AMOTL2: variants seen among roughly 807,000 people sequenced by gnomAD.
AMOTL2 encodes the protein angiomotin-like protein 2.
In AMOTL2, 33 loss-of-function variants were observed where a neutral mutation model predicts 78.4. The observed-to-expected ratio is 0.42, with a 90% CI of 0.32 to 0.56. The LOEUF is 0.56. Among genes scored for constraint, AMOTL2 ranks in the 20% least tolerant of loss-of-function variants. AMOTL2 has a pLI of 0.12. For missense variants in AMOTL2, 983 were observed against 1,030.1 expected (o/e 0.95, Z 0.63); for synonymous variants, 422 against 428.8 (o/e 0.98, Z 0.20).
chr3:134,359,301 G>A lies in AMOTL2; in HGVS notation c.2086C>T (p.Pro696Ser). Residue 696 changes from proline to serine, a missense_variant, in exon 8 of 10, where the codon CCT becomes TCT. Pro to Ser is a moderately conservative substitution (Grantham distance 74). Coordinates refer to ENST00000249883, the MANE Select transcript of AMOTL2 (RefSeq NM_016201.4). ...SSSERQTADAPARLTTADRAP... is the reference protein window; with the variant it reads ...SSSERQTADASARLTTADRAP... ...CTCTTACCTGTAGTCAGCCGAGCAG[G>A]GGCGTCTGCTGTTTGTCGCTCACTA... 6.2e-7 allele frequency: 1 copy of A among 1,614,172 alleles called. No homozygotes were observed. Among genetic ancestry groups the A allele is most frequent in the African/African-American group, 1.3e-5 (1 of 75,048 alleles).
At chr3:134,357,862 C>T in intron 9 of AMOTL2, 99 bp from the exon 10 acceptor site, 1 of 1,258,084 alleles carries the variant, frequency 7.9e-7, no homozygotes, top group Non-Finnish European at 1.2e-6. Context: ...TCTTCACCAA[C>T]TTTTCCCACC....
intron 5 of AMOTL2, among the ~76,000 whole-genome samples, chr3:134,362,805 A>G (rs1012653208): frequency 1.4e-4 from 21 of 152,134 alleles, no homozygotes; most frequent in Non-Finnish European, 4.4e-5. Flanking sequence ...CTGCCCCTTG[A>G]GAGTCCCAGG....
chr3:134,357,577 C>A lies in AMOTL2; in HGVS notation c.*128G>T. 1.0e-6 allele frequency: 1 copy of A among 995,862 alleles called. No individual in the cohort carries two copies. Among genetic ancestry groups the A allele is most frequent in the Non-Finnish European group, 1.6e-6 (1 of 627,800 alleles). 61.7% of individuals were successfully genotyped at this position (995,862 alleles called of 1,614,324 possible). ...TCCTGAGCTCCTGGGACCAGATGGT[C>A]AATGGGAATGAGTGTCTGGCTGGGG... On this transcript the variant is annotated 3_prime_UTR_variant, in exon 10 of 10. Transcript: ENST00000249883.
chr3:134,374,306 C>A, intron 1 of AMOTL2, 36 bp downstream of exon 1: 1 of 985,466 alleles, frequency 1.0e-6, no homozygotes, highest in Non-Finnish European at 1.2e-6. Context: ...TCTGTGGCCT[C>A]GCGCGCTCTC....
At chr3:134,369,661 C>T (rs913104556) in intron 2 of AMOTL2, among the ~76,000 whole-genome samples, 7 of 152,196 alleles carry the variant, frequency 4.6e-5, no homozygotes, top group African/African-American at 1.4e-4. Context: ...CAAGGAAAGC[C>T]GGACGGTGGG....
rs185374769 is a variant in AMOTL2 at position 134,369,289 on chromosome 3, C to G, written c.734+1411G>C. ...AGGTTGCTTCAAGAACTTGCTCCCC[C>G]CTGCACTGGGCCAGGCAGACACAAC... On this transcript the variant is annotated intron_variant, in intron 2 of 9. Transcript: ENST00000249883. Among the ~76,000 whole-genome samples the G allele has an allele frequency of 7.2e-5, 11 of 152,300 alleles. No individual in the cohort carries two copies. The East Asian group carries it at 1.4e-3, about 19-fold the overall frequency.
chr3:134,358,816 G>T, intron 8 of AMOTL2, 97 bp from the exon 9 acceptor site: 1 of 1,412,278 alleles, frequency 7.1e-7, no homozygotes, highest in Non-Finnish European at 9.8e-7. Flanking sequence ...ATTCAAGGTG[G>T]AGTGGGCTGC....
intron 2 of AMOTL2, among the ~76,000 whole-genome samples, chr3:134,370,087 C>A (rs978908225): frequency 6.6e-6 from 1 of 152,208 alleles, no homozygotes; most frequent in Non-Finnish European, 1.5e-5. Context: ...TCTCCTGAGC[C>A]TCACCAGAAA....
At chr3:134,365,306 G>T (rs1191547489) in intron 5 of AMOTL2, among the ~76,000 whole-genome samples, 1 of 152,196 alleles carries the variant, frequency 6.6e-6, no homozygotes, top group Non-Finnish European at 1.5e-5. Context: ...CGTTTAGAAT[G>T]CATCTGTTGG....
upstream of AMOTL2, chr3:134,375,167 C>T (rs2018041167): frequency 4.6e-6 from 7 of 1,534,234 alleles, no homozygotes; most frequent in Non-Finnish European, 6.1e-6. Context: ...TTGGAAAATC[C>T]GGTCAATTTG....
Position 134,361,748 on chromosome 3 carries a change from C to T in AMOTL2, c.1339G>A (p.Ala447Thr), listed in dbSNP as rs368196162. 6.6e-5 allele frequency: 105 copies of T among 1,594,288 alleles called. 2 individuals are homozygous for T. The South Asian group carries it at 7.1e-4, about 11-fold the overall frequency. Reference protein sequence around the residue: ...LEREMALLRGAIEDQRRRAEL... With the variant: ...LEREMALLRGTIEDQRRRAEL... Reference sequence around the variant, plus strand: ...GCACGCCGCCGCTGGTCCTCGATGGCGCCGCGCAGCAGTGCCATCTCTCGC... The same window carrying T: ...GCACGCCGCCGCTGGTCCTCGATGGTGCCGCGCAGCAGTGCCATCTCTCGC... The change falls in exon 6 of 10, where the codon GCC becomes ACC. Residue 447 changes from alanine to threonine, a missense_variant. Physicochemically the swap from Ala to Thr is moderately conservative, Grantham distance 58. Coordinates refer to ENST00000249883, the MANE Select transcript of AMOTL2 (RefSeq NM_016201.4).
Position 134,357,362 on chromosome 3 carries a change from G to T in AMOTL2, c.*343C>A. On this transcript the variant is annotated 3_prime_UTR_variant, in exon 10 of 10. Coordinates refer to ENST00000249883, the MANE Select transcript of AMOTL2 (RefSeq NM_016201.4). Reference sequence around the variant, plus strand: ...ACAGCCACTCCCTCCCTGCCTGACTGACAACTGGCAGGGCAGAGGGAGCTC... The same window carrying T: ...ACAGCCACTCCCTCCCTGCCTGACTTACAACTGGCAGGGCAGAGGGAGCTC... 1 of 283,942 alleles carries T rather than the reference G, an allele frequency of 3.5e-6. No individual in the cohort carries two copies. Among genetic ancestry groups the T allele is most frequent in the Non-Finnish European group, 6.8e-6 (1 of 146,976 alleles). 17.6% of individuals were successfully genotyped at this position (283,942 alleles called of 1,614,324 possible). A position where few individuals can be genotyped will look rare whatever the true frequency, so the allele number is the denominator to read the frequency against.
chr3:134,366,198 A>G, intron 4 of AMOTL2, 85 bp downstream of exon 4: 1 of 1,537,102 alleles, frequency 6.5e-7, no homozygotes, highest in South Asian at 1.3e-5. Flanking sequence ...GACAGAGAAT[A>G]GAGATTCCCA....
At position 134,357,760 on chromosome 3, in the gene AMOTL2, G is replaced by A; in HGVS notation, c.2288C>T (p.Ser763Phe). The A allele has an allele frequency of 6.2e-7, 1 of 1,614,068 alleles. No individual in the cohort carries two copies. Among genetic ancestry groups the A allele is most frequent in the South Asian group, 1.1e-5 (1 of 91,070 alleles). ...SSSQRAASLD[S>F]VATSRVQDLS... ...GTCCTGGACTCTGGATGTAGCTACAGAGTCTGGAGACAGACAAGAACACAG... is the reference window on the plus strand; with the variant it reads ...GTCCTGGACTCTGGATGTAGCTACAAAGTCTGGAGACAGACAAGAACACAG... The change falls in exon 10 of 10, where the codon TCT (serine) becomes TTT (phenylalanine). Residue 763 changes from serine (S) to phenylalanine (F), a missense_variant. Ser to Phe is a radical substitution (Grantham distance 155). Coordinates refer to ENST00000249883, the MANE Select transcript of AMOTL2 (RefSeq NM_016201.4).
At chr3:134,357,852 T>C in intron 9 of AMOTL2, 89 bp from the exon 10 acceptor site, 2 of 1,407,456 alleles carry the variant, frequency 1.4e-6, no homozygotes, top group Admixed American at 1.7e-5. Flanking sequence ...CAAAGATCGT[T>C]CTTCACCAAC....
upstream of AMOTL2, chr3:134,375,126 C>A (rs919029927): frequency 1.3e-6 from 2 of 1,523,756 alleles, no homozygotes; most frequent in Non-Finnish European, 1.8e-6. Context: ...AGCTATTTTA[C>A]GACCGTCTCG....
In AMOTL2 at chr3:134,358,545, G is replaced by A; in HGVS notation, c.2279C>T (p.Ser760Phe). Reference sequence around the variant, plus strand: ...GTGGGGTCAGGAGGACTTACCCAGAGAGGCTGCTCTCTGGCTACTGCTGCA... The same window carrying A: ...GTGGGGTCAGGAGGACTTACCCAGAAAGGCTGCTCTCTGGCTACTGCTGCA... ...LGCSSSQRAASLDSVATSRVQ... is the reference protein window; with the variant it reads ...LGCSSSQRAAFLDSVATSRVQ... The change falls in exon 9 of 10, where the codon TCT (serine) becomes TTT (phenylalanine). Residue 760 changes from serine (S) to phenylalanine (F), a missense_variant. Transcript: ENST00000249883. 4 of 1,612,992 alleles carry A rather than the reference G, an allele frequency of 2.5e-6. No individual in the cohort carries two copies. Among genetic ancestry groups the A allele is most frequent in the Non-Finnish European group, 3.4e-6 (4 of 1,179,430 alleles).
chr3:134,368,935 TCA>T (rs2017729864), intron 2 of AMOTL2, among the ~76,000 whole-genome samples: 1 of 152,082 alleles, frequency 6.6e-6, no homozygotes, highest in South Asian at 2.1e-4. Context: ...CACAACTGCC[TCA>T]GTTTCACAAA....
intron 8 of AMOTL2, 76 bp from the exon 9 acceptor site, chr3:134,358,795 C>T: frequency 1.9e-6 from 3 of 1,556,126 alleles, no homozygotes; most frequent in South Asian, 1.1e-5. Flanking sequence ...AGTTAACTGT[C>T]CCTGCTGGGG....
Sources: allele counts gnomAD v4.1 joint callset (sites outside exome capture counted in the v4.1 genomes callset), GRCh38; gene constraint gnomAD v4.1.1; transcripts MANE v1.5; gene names NCBI Gene and HGNC (gene_info 2026-07-23, HGNC 2026-07-21).